The following BAHCC1 variants were observed in gnomAD, a reference collection of about 807,000 sequenced individuals.
The protein encoded by BAHCC1 is BAH and coiled-coil domain-containing protein 1.
BAHCC1 carries 43 observed loss-of-function variants against 88.2 expected under a neutral mutation model. The ratio of observed to expected loss-of-function variants is 0.49; its 90% CI spans 0.38 to 0.63. The LOEUF (loss-of-function observed/expected upper bound fraction) is 0.63, where lower values mean the gene tolerates loss of function less well. BAHCC1 is among the 20% of genes least tolerant of loss of function. BAHCC1 has a pLI of 0.00. For synonymous variants in BAHCC1, 1,510 were observed against 745.5 expected, an observed-to-expected ratio of 2.03 and a Z score of -16.71; for missense variants, 3,023 against 1,654.8, an observed-to-expected ratio of 1.83 and a Z score of -14.34.
chr17:81,438,952 C>G (rs993578553), intron 4 of BAHCC1, among the ~76,000 whole-genome samples: 7 of 152,146 alleles, frequency 4.6e-5, no homozygotes, highest in Non-Finnish European at 5.9e-5. Flanking sequence ...CTGGGCTGCA[C>G]GAGGCCCAGC....
At chr17:81,404,675 A>G (rs1292215375) in intron 2 of BAHCC1, among the ~76,000 whole-genome samples, 1 of 152,124 alleles carries the variant, frequency 6.6e-6, no homozygotes, top group Non-Finnish European at 1.5e-5. Flanking sequence ...ATCAGGATAC[A>G]CTCCAGCAAG....
rs782230049 is a variant in BAHCC1, at chr17:81,442,285, G to A, written c.936G>A (p.Thr312=). The A allele has an allele frequency of 3.0e-5, 19 of 626,574 alleles. No individual in the cohort carries two copies. Among genetic ancestry groups the A allele is most frequent in the African/African-American group, 1.7e-4 (9 of 53,044 alleles). The allele number at this position is 626,574 out of a possible 1,614,324, so 38.8% of individuals were successfully genotyped here. A position where few individuals can be genotyped will look rare whatever the true frequency, so the allele number is the denominator to read the frequency against. Residue 312 remains threonine, a synonymous_variant, in exon 5 of 28, where the codon ACG becomes ACA. Coordinates refer to ENST00000675386, the MANE Select transcript of BAHCC1 (RefSeq NM_001377448.1). ...GGGGCATGCTGGGGCGGCCTGGCAC[G>A]GGGGTGGTGACCTCCGGGCGCTGTG... ...CAGGMLGRPG[T]GVVTSGRCAK... is the part of the protein sequence containing the mutation.
Position 81,447,618 on chromosome 17 carries a change from A to G in BAHCC1, c.3746A>G (p.Asp1249Gly), listed in dbSNP as rs1555654929. 2.7e-6 allele frequency: 2 copies of G among 744,802 alleles called. No individual in the cohort carries two copies. Among genetic ancestry groups the G allele is most frequent in the Admixed American group, 3.7e-5 (2 of 53,552 alleles). The allele number at this position is 744,802 out of a possible 1,614,324, so 46.1% of individuals were successfully genotyped here. A position where few individuals can be genotyped will look rare whatever the true frequency, so the allele number is the denominator to read the frequency against. ...GAGGAGGACTGTGGCGGAGCTCCCG[A>G]CAACAGCCACCCACCCAGGGCGCTA... ...DSEEDCGGAP[D>G]NSHPPRALPG... Residue 1249 changes from aspartate (D) to glycine (G), a missense_variant, in exon 11 of 28, where the codon GAC becomes GGC. Asp to Gly is a moderately conservative substitution (Grantham distance 94). Transcript: ENST00000675386.
chr17:81,451,963 C>A lies in BAHCC1; in HGVS notation c.4180-8C>A. ...CCGGCTCACAGGCCCCTGTGCCCCC[C>A]CCACCAGGTGTGCCCCCTGAAGGCC... On this transcript the variant is annotated splice_region_variant and splice_polypyrimidine_tract_variant and intron_variant, in intron 12 of 27. Transcript: ENST00000675386. The A allele has an allele frequency of 3.2e-6, 2 of 623,088 alleles. No individual in the cohort carries two copies. The highest frequency in any genetic ancestry group is 3.7e-5 in the South Asian group (2 of 53,726). 38.6% of individuals were successfully genotyped at this position (623,088 alleles called of 1,614,324 possible).
chr17:81,451,548 C>T (rs2064634499), intron 11 of BAHCC1, 120 bp from the exon 12 acceptor site: 1 of 618,504 alleles, frequency 1.6e-6, no homozygotes, highest in Non-Finnish European at 2.9e-6. Flanking sequence ...TCCCGGTCTC[C>T]TGACCCTCAT....
intron 10 of BAHCC1, chr17:81,446,835 G>C (rs2064537367): frequency 1.5e-6 from 1 of 680,336 alleles, no homozygotes; most frequent in Non-Finnish European, 2.7e-6. Flanking sequence ...TTACAGGTGT[G>C]AGCTACTGCA....
chr17:81,463,650 G>C lies in BAHCC1; in HGVS notation c.7660G>C (p.Val2554Leu), dbSNP rs782055387. ...GTCCTGCCACGAGGATGAGAACGAC[G>C]TGCAGACCATCTCCCACAAGTGCCA... is the stretch of plus-strand genomic sequence containing the variant. ...YQSCHEDEND[V>L]QTISHKCQVV... Residue 2554 changes from valine to leucine, a missense_variant, in exon 28 of 28, where the codon GTG becomes CTG. Coordinates refer to ENST00000675386, the MANE Select transcript of BAHCC1 (RefSeq NM_001377448.1). 2 of 779,592 alleles carry C rather than the reference G, an allele frequency of 2.6e-6. No homozygotes were observed. Among genetic ancestry groups the C allele is most frequent in the African/African-American group, 3.4e-5 (2 of 59,154 alleles). The allele number at this position is 779,592 out of a possible 1,614,324, so 48.3% of individuals were successfully genotyped here. A position where few individuals can be genotyped will look rare whatever the true frequency, so the allele number is the denominator to read the frequency against.
chr17:81,445,071 G>A lies in BAHCC1; in HGVS notation c.2728G>A (p.Ala910Thr), dbSNP rs374307720. Reference protein sequence around the residue: ...WPPMYGGRGPASHMQHPGQLP... With the variant: ...WPPMYGGRGPTSHMQHPGQLP... ...CCCCATGTACGGGGGCCGGGGCCCC[G>A]CCTCTCACATGCAGCACCCGGGCCA... Residue 910 changes from alanine to threonine, a missense_variant, in exon 9 of 28, where the codon GCC becomes ACC. Coordinates refer to ENST00000675386, the MANE Select transcript of BAHCC1 (RefSeq NM_001377448.1). The A allele has an allele frequency of 1.0e-4, 80 of 768,576 alleles. No individual in the cohort carries two copies. Among genetic ancestry groups the A allele is most frequent in the African/African-American group, 6.3e-4 (37 of 59,032 alleles). The allele number at this position is 768,576 out of a possible 1,614,324, so 47.6% of individuals were successfully genotyped here. A position where few individuals can be genotyped will look rare whatever the true frequency, so the allele number is the denominator to read the frequency against.
At chr17:81,413,476 C>A (rs1338479057) in intron 2 of BAHCC1, among the ~76,000 whole-genome samples, 1 of 152,206 alleles carries the variant, frequency 6.6e-6, no homozygotes, top group Non-Finnish European at 1.5e-5. Context: ...ACCGCCTCCA[C>A]TCTGGGCTGT....
Position 81,462,964 on chromosome 17 carries a change from G to A in BAHCC1, c.7608G>A (p.Gln2536=), listed in dbSNP as rs782372461. ...AGGAGACCAAGCTGGGCAAGAGGCA[G>A]TGCGACGGCAAGGTGAGGCCCGGAC... ...HPEETKLGKR[Q]CDGKNALYQS... The change falls in exon 27 of 28, where the codon CAG becomes CAA. Residue 2536 remains glutamine, a synonymous_variant. Coordinates refer to ENST00000675386, the MANE Select transcript of BAHCC1 (RefSeq NM_001377448.1). 7 of 780,672 alleles carry A rather than the reference G, an allele frequency of 9.0e-6. No homozygotes were observed. The highest frequency in any genetic ancestry group is 1.7e-5 in the Admixed American group (1 of 59,012). 48.4% of individuals were successfully genotyped at this position (780,672 alleles called of 1,614,324 possible). A position where few individuals can be genotyped will look rare whatever the true frequency, so the allele number is the denominator to read the frequency against.
chr17:81,458,213 G>A lies in BAHCC1; in HGVS notation c.5090G>A (p.Arg1697Gln), dbSNP rs782502289. 8 of 730,752 alleles carry A rather than the reference G, an allele frequency of 1.1e-5. No homozygotes were observed. Among genetic ancestry groups the A allele is most frequent in the South Asian group, 2.9e-5 (2 of 68,470 alleles). The allele number at this position is 730,752 out of a possible 1,614,324, so 45.3% of individuals were successfully genotyped here. A position where few individuals can be genotyped will look rare whatever the true frequency, so the allele number is the denominator to read the frequency against. ...GAGAGTGAGGTCAAGATCAAGAGGC[G>A]GTCGGTGAAGGCCAAGGTGGGCACC... ...SPESEVKIKR[R>Q]SVKAKVGTTL... The change falls in exon 18 of 28, where the codon CGG (arginine) becomes CAG (glutamine). Residue 1697 changes from arginine (R) to glutamine (Q), a missense_variant. Arg to Gln is a conservative substitution (Grantham distance 43). Coordinates refer to ENST00000675386, the MANE Select transcript of BAHCC1 (RefSeq NM_001377448.1).
At position 81,444,765 on chromosome 17, in the gene BAHCC1, C is replaced by T; in HGVS notation, c.2610C>T (p.Ala870=). The stretch of plus-strand genomic sequence containing the variant: ...CTGTCTTCCCCCTCCCACAGGACGC[C>T]CCCACACAGCTGGTCATCCTGCCCT... ...VPSVFPLPQD[A]PTQLVILPSE... Residue 870 remains alanine, a synonymous_variant, in exon 8 of 28, where the codon GCC becomes GCT. Coordinates refer to ENST00000675386, the MANE Select transcript of BAHCC1 (RefSeq NM_001377448.1). 1.3e-6 allele frequency: 1 copy of T among 778,700 alleles called. No individual in the cohort carries two copies. The highest frequency in any genetic ancestry group is 1.3e-5 in the South Asian group (1 of 74,594). 48.2% of individuals were successfully genotyped at this position (778,700 alleles called of 1,614,324 possible). A position where few individuals can be genotyped will look rare whatever the true frequency, so the allele number is the denominator to read the frequency against.
intron 1 of BAHCC1, chr17:81,396,732 C>T (rs1555644960): frequency 2.0e-5 from 3 of 152,256 alleles, no homozygotes; most frequent in African/African-American, 4.8e-5. Flanking sequence ...CCAGCCACGC[C>T]TGGGGCCGCG....
At chr17:81,414,513 T>C (rs1555648306) in intron 2 of BAHCC1, among the ~76,000 whole-genome samples, 1 of 152,184 alleles carries the variant, frequency 6.6e-6, no homozygotes, top group Non-Finnish European at 1.5e-5. Context: ...GCCAGCCCCA[T>C]CTACCCCATC....
At chr17:81,418,656 G>C (rs1196634234) in intron 2 of BAHCC1, among the ~76,000 whole-genome samples, 2 of 152,188 alleles carry the variant, frequency 1.3e-5, no homozygotes, top group African/African-American at 4.8e-5. Context: ...TCTGGTGGAG[G>C]CCTGAGCCCT....
chr17:81,461,284 G>C lies in BAHCC1; in HGVS notation c.6621G>C (p.Leu2207=), dbSNP rs2030240377. 1 of 708,020 alleles carries C rather than the reference G, an allele frequency of 1.4e-6. No individual in the cohort carries two copies. The allele number at this position is 708,020 out of a possible 1,614,324, so 43.9% of individuals were successfully genotyped here. A position where few individuals can be genotyped will look rare whatever the true frequency, so the allele number is the denominator to read the frequency against. ...GGCGGCGGGCGGGCGGTGAGTTCCTGGTCAAGCTGGACCACGAGGGTGTGA... is the reference window on the plus strand; with the variant it reads ...GGCGGCGGGCGGGCGGTGAGTTCCTCGTCAAGCTGGACCACGAGGGTGTGA... ...GGRRRAGGEF[L]VKLDHEGVTS... is the part of the protein sequence containing the mutation. The change falls in exon 26 of 28, where the codon CTG becomes CTC. Residue 2207 remains leucine, a synonymous_variant. Transcript: ENST00000675386.
At chr17:81,401,982 C>G (rs1442311828) in intron 2 of BAHCC1, 3 of 152,338 alleles carry the variant, frequency 2.0e-5, no homozygotes, top group Admixed American at 2.0e-4. Context: ...CTAAGTTTGG[C>G]CACGTGGTTC....
At chr17:81,403,646 T>A (rs1474724761) in intron 2 of BAHCC1, among the ~76,000 whole-genome samples, 1 of 152,210 alleles carries the variant, frequency 6.6e-6, no homozygotes, top group Non-Finnish European at 1.5e-5. Flanking sequence ...TACATTTTCT[T>A]AAATACCTCA....
At chr17:81,462,113 C>T (rs1555659687) in intron 26 of BAHCC1, 67 bp downstream of exon 26, 1 of 663,606 alleles carries the variant, frequency 1.5e-6, no homozygotes, top group African/African-American at 1.8e-5. Flanking sequence ...TCATGCGCCC[C>T]TGCTGCCCTT....
Sources: gnomAD v4.1 joint callset for allele counts (sites outside exome capture counted in the v4.1 genomes callset) on GRCh38, gnomAD v4.1.1 for gene constraint, MANE v1.5 for transcripts, NCBI Gene and HGNC (gene_info 2026-07-23, HGNC 2026-07-21) for gene names.